The following PREX2 variants were observed in gnomAD, a reference collection of about 807,000 sequenced individuals.
PREX2 encodes the protein phosphatidylinositol 3,4,5-trisphosphate-dependent Rac exchanger 2 protein.
A neutral mutation model predicts 203.2 loss-of-function variants in PREX2; 107 were observed. That is an observed-to-expected ratio of 0.53 (90% CI 0.45 to 0.62). The LOEUF is 0.62. Among genes scored for constraint, PREX2 ranks in the 20% least tolerant of loss-of-function variants. PREX2 has a pLI of 0.00. For synonymous variants in PREX2, 672 were observed against 663.6 expected (o/e 1.01, Z -0.19); for missense variants, 1,777 against 1,955.9 (o/e 0.91, Z 1.72).
At chr8:68,063,271 T>G (rs1253237141) in intron 11 of PREX2, among the ~76,000 whole-genome samples, 1 of 152,166 alleles carries the variant, frequency 6.6e-6, no homozygotes, top group Non-Finnish European at 1.5e-5. Context: ...TTTACCAAAT[T>G]GGTTTAGCTT....
At chr8:68,025,856 G>A (rs1314429136) in intron 4 of PREX2, among the ~76,000 whole-genome samples, 7 of 152,128 alleles carry the variant, frequency 4.6e-5, no homozygotes, top group South Asian at 2.1e-4. Flanking sequence ...AATTGAGTTC[G>A]CAATCTATAC....
chr8:67,955,447 G>A (rs1300105431), intron 1 of PREX2, among the ~76,000 whole-genome samples: 2 of 152,118 alleles, frequency 1.3e-5, no homozygotes, highest in Non-Finnish European at 2.9e-5. Flanking sequence ...GCTTCCTCAG[G>A]CCTCTGCCTT....
chr8:67,979,882 A>G (rs141005917), intron 1 of PREX2, among the ~76,000 whole-genome samples: 73 of 152,276 alleles, frequency 4.8e-4, no homozygotes, highest in Non-Finnish European at 7.6e-4. Flanking sequence ...GAGTACTTCA[A>G]GTTTCATAGA....
intron 35 of PREX2, among the ~76,000 whole-genome samples, chr8:68,178,895 A>G (rs964927278): frequency 2.6e-5 from 4 of 152,210 alleles, no homozygotes; most frequent in Non-Finnish European, 4.4e-5. Context: ...ACATATAAAA[A>G]CATCAATTTT....
At chr8:68,097,999 C>G (rs545257586) in intron 22 of PREX2, among the ~76,000 whole-genome samples, 2 of 152,150 alleles carry the variant, frequency 1.3e-5, no homozygotes, top group African/African-American at 4.8e-5. Context: ...ATGTAATTCT[C>G]ATTTGGAAAG....
intron 7 of PREX2, among the ~76,000 whole-genome samples, chr8:68,042,027 A>G (rs1361962052): frequency 6.6e-6 from 1 of 152,108 alleles, no homozygotes; most frequent in East Asian, 1.9e-4. Context: ...AAATAGTTCA[A>G]CATGTCCATT....
At chr8:68,002,879 A>G (rs900621265) in intron 1 of PREX2, among the ~76,000 whole-genome samples, 1 of 152,196 alleles carries the variant, frequency 6.6e-6, no homozygotes, top group Non-Finnish European at 1.5e-5. Flanking sequence ...ATCAAGTTAT[A>G]TGGCTGTTTG....
rs1415634860 is a variant in PREX2 at position 67,970,102 on chromosome 8, A to G, written c.141+17567A>G. On this transcript the variant is annotated intron_variant, in intron 1 of 39. Transcript: ENST00000288368. ...GGAAATAGTAAGAGGGAAATCAGCT[A>G]TCTCCATTTTGGGAAGTCAAAGTGT... 2.6e-5 allele frequency among the ~76,000 whole-genome samples: 4 copies of G among 152,182 alleles called. No individual in the cohort carries two copies. The East Asian group carries it at 5.8e-4, about 22-fold the overall frequency.
chr8:68,128,428 G>C (rs1810938808), intron 31 of PREX2, among the ~76,000 whole-genome samples: 1 of 144,200 alleles, frequency 6.9e-6, no homozygotes, highest in Non-Finnish European at 1.5e-5. Context: ...TTGCTTACCT[G>C]TCTAGTGTCA....
intron 18 of PREX2, among the ~76,000 whole-genome samples, chr8:68,084,072 C>T (rs1466123673): frequency 1.3e-5 from 2 of 152,122 alleles, no homozygotes. Context: ...AGAGCATGCT[C>T]TGTATGCTAC....
chr8:68,032,989 G>A (rs73267918), intron 6 of PREX2, among the ~76,000 whole-genome samples: 15,620 of 152,134 alleles, frequency 0.1, 853 homozygotes, highest in Middle Eastern at 0.13. Flanking sequence ...AATTCTATTT[G>A]ATGGAATCCA....
At chr8:68,114,034 G>T (rs1025128704) in intron 25 of PREX2, among the ~76,000 whole-genome samples, 1 of 152,022 alleles carries the variant, frequency 6.6e-6, no homozygotes, top group Non-Finnish European at 1.5e-5. Context: ...GCTAATTTTT[G>T]TATTTTTAGT....
intron 1 of PREX2, among the ~76,000 whole-genome samples, chr8:67,988,168 G>C (rs1479364256): frequency 2.6e-5 from 4 of 152,144 alleles, no homozygotes; most frequent in African/African-American, 9.7e-5. Context: ...AGAGCCCACA[G>C]TTACCTTACT....
intron 37 of PREX2, among the ~76,000 whole-genome samples, chr8:68,216,699 G>A (rs998082987): frequency 1.3e-5 from 2 of 151,990 alleles, no homozygotes; most frequent in Admixed American, 6.6e-5. Flanking sequence ...GCCGGGCACA[G>A]TGTAATCCCA....
chr8:67,994,379 A>G (rs2129609568), intron 1 of PREX2, among the ~76,000 whole-genome samples: 1 of 152,318 alleles, frequency 6.6e-6, no homozygotes, highest in South Asian at 2.1e-4. Context: ...CTCAGTTGGA[A>G]TCACCTTAAT....
At chr8:68,172,267 A>G (rs1811891710) in intron 35 of PREX2, among the ~76,000 whole-genome samples, 1 of 152,192 alleles carries the variant, frequency 6.6e-6, no homozygotes, top group Admixed American at 6.5e-5. Flanking sequence ...TACACATGAA[A>G]TTTATGAAAG....
chr8:68,200,133 A>G (rs1037530061), intron 37 of PREX2, among the ~76,000 whole-genome samples: 1 of 152,228 alleles, frequency 6.6e-6, no homozygotes, highest in Non-Finnish European at 1.5e-5. Flanking sequence ...ATATCACTAG[A>G]GAGATGGCTA....
chr8:68,175,545 AATGGAG>A (rs1217054758), intron 35 of PREX2, among the ~76,000 whole-genome samples: 1 of 152,186 alleles, frequency 6.6e-6, no homozygotes, highest in African/African-American at 2.4e-5. Flanking sequence ...AGTAGATACA[AATGGAG>A]ATGGAGTGGA....
intron 39 of PREX2, among the ~76,000 whole-genome samples, chr8:68,228,765 CTAAATAAATAAA>C (rs59480721): frequency 0.19 from 26,747 of 140,554 alleles, 5,702 homozygotes; most frequent in African/African-American, 0.51. Flanking sequence ...GACTCCGTCT[CTAAATAAATAAA>C]TAAATAAATA....
Sources: gnomAD v4.1 joint callset for allele counts (sites outside exome capture counted in the v4.1 genomes callset) on GRCh38, gnomAD v4.1.1 for gene constraint, MANE v1.5 for transcripts, NCBI Gene and HGNC (gene_info 2026-07-23, HGNC 2026-07-21) for gene names.